TMEM150A: variants seen among roughly 807,000 people sequenced by gnomAD.
TMEM150A encodes the protein fasting-inducible integral membrane protein TM6P1.
A neutral mutation model predicts 29.8 loss-of-function variants in TMEM150A; 18 were observed. The observed-to-expected ratio is 0.60, with a 90% CI of 0.42 to 0.90. The LOEUF is 0.90. Among genes scored for constraint, TMEM150A ranks in the 40% least tolerant of loss-of-function variants. The pLI is 0.00. For missense variants in TMEM150A, 251 were observed against 349.7 expected, an observed-to-expected ratio of 0.72 and a Z score of 2.25; for synonymous variants, 127 against 143.6, an observed-to-expected ratio of 0.88 and a Z score of 0.83.
At position 85,601,987 on chromosome 2, in the gene TMEM150A, G is replaced by C. The variant is rs527355690; in HGVS notation, c.-39C>G. ...CAGGGTGGTGGTGGTGTTGGGGGGA[G>C]GACAAGAGGTAGATGGGGAAGTGGG... is the stretch of plus-strand genomic sequence containing the variant. On this transcript the variant is annotated 5_prime_UTR_variant, in exon 2 of 8. Coordinates refer to ENST00000334462, the MANE Select transcript of TMEM150A (RefSeq NM_001031738.3). This position sits in a 1 kb window ranked among gnomAD's most constrained non-coding sequence, Gnocchi z 4.0. The C allele has an allele frequency of 7.5e-6, 12 of 1,605,844 alleles. No homozygotes were observed. Among genetic ancestry groups the C allele is most frequent in the Non-Finnish European group, 1.0e-5 (12 of 1,172,998 alleles).
chr2:85,601,806 C>A lies in TMEM150A; in HGVS notation c.65+78G>T. Reference sequence around the variant, plus strand: ...ACACCCAGAGTGACCCTGGGTACCACCGTGGCTATGACAGGACAAGAGACT... The same window carrying A: ...ACACCCAGAGTGACCCTGGGTACCAACGTGGCTATGACAGGACAAGAGACT... On this transcript the variant is annotated intron_variant, in intron 2 of 7. Coordinates refer to ENST00000334462, the MANE Select transcript of TMEM150A (RefSeq NM_001031738.3). The surrounding 1 kb of genome is among the most constrained non-coding windows in gnomAD (Gnocchi z 4.0). 6.5e-7 allele frequency: 1 copy of A among 1,531,796 alleles called. No homozygotes were observed. Among genetic ancestry groups the A allele is most frequent in the South Asian group, 1.2e-5 (1 of 86,738 alleles). 94.9% of individuals were successfully genotyped at this position (1,531,796 alleles called of 1,614,324 possible). A position where few individuals can be genotyped will look rare whatever the true frequency, so the allele number is the denominator to read the frequency against.
intron 5 of TMEM150A, 120 bp downstream of exon 5, chr2:85,600,225 A>T: frequency 7.5e-7 from 1 of 1,341,182 alleles, no homozygotes. Flanking sequence ...GGAAGGGGAG[A>T]AGCTGCCTCT....
At position 85,601,316 on chromosome 2, in the gene TMEM150A, A is replaced by G; in HGVS notation, c.113+119T>C. Reference sequence around the variant, plus strand: ...GGCAAGAAGCCATGCCTGGGGACCAATTTCAGAGAAGAGCAGTGAGGCTCA... The same window carrying G: ...GGCAAGAAGCCATGCCTGGGGACCAGTTTCAGAGAAGAGCAGTGAGGCTCA... On this transcript the variant is annotated intron_variant, in intron 3 of 7. Transcript: ENST00000334462. The surrounding 1 kb of genome is among the most constrained non-coding windows in gnomAD (Gnocchi z 4.0). 1.4e-6 allele frequency: 2 copies of G among 1,385,188 alleles called. No individual in the cohort carries two copies. The highest frequency in any genetic ancestry group is 2.1e-6 in the Non-Finnish European group (2 of 972,344). 85.8% of individuals were successfully genotyped at this position (1,385,188 alleles called of 1,614,324 possible).
At position 85,602,214 on chromosome 2, in the gene TMEM150A, A is replaced by C; in HGVS notation, c.-116-150T>G. On this transcript the variant is annotated intron_variant, in intron 1 of 7. Coordinates refer to ENST00000334462, the MANE Select transcript of TMEM150A (RefSeq NM_001031738.3). This position sits in a 1 kb window ranked among gnomAD's most constrained non-coding sequence, Gnocchi z 5.6. ...CGGCAGAACGTGAACACCCTCTGGCACTGGGGGCCTCCGCGGTCAACCCAA... is the reference window on the plus strand; with the variant it reads ...CGGCAGAACGTGAACACCCTCTGGCCCTGGGGGCCTCCGCGGTCAACCCAA... 2.4e-6 allele frequency: 1 copy of C among 408,954 alleles called. No individual in the cohort carries two copies. Among genetic ancestry groups the C allele is most frequent in the Non-Finnish European group, 4.6e-6 (1 of 219,316 alleles). The allele number at this position is 408,954 out of a possible 1,614,324, so 25.3% of individuals were successfully genotyped here.
At position 85,599,625 on chromosome 2, in the gene TMEM150A, G is replaced by A; in HGVS notation, c.474C>T (p.His158=). 4.3e-6 allele frequency: 7 copies of A among 1,613,816 alleles called. No homozygotes were observed. The highest frequency in any genetic ancestry group is 5.9e-6 in the Non-Finnish European group (7 of 1,179,890). The change falls in exon 7 of 8, where the codon CAC becomes CAT. Residue 158 remains histidine, a synonymous_variant. Coordinates refer to ENST00000334462, the MANE Select transcript of TMEM150A (RefSeq NM_001031738.3). This position sits in a 1 kb window ranked among gnomAD's most constrained non-coding sequence, Gnocchi z 6.0. Reference sequence around the variant, plus strand: ...TGGCCCCTTGGTAGGAGAGAGCACAGTGCAGGCAAACAAAGAGCAGCCCCG... The same window carrying A: ...TGGCCCCTTGGTAGGAGAGAGCACAATGCAGGCAAACAAAGAGCAGCCCCG... The part of the protein sequence containing the change: ...FPAGLLFVCL[H]CALSYQGATA...
rs1380121914 is a variant in TMEM150A at position 85,599,409 on chromosome 2, A to G, written c.575-92T>C. ...TCAGGCCTCACCTCTCCAAAGGGAG[A>G]GGTGTTAGTCCTCTCCCCCACATGG... On this transcript the variant is annotated intron_variant, in intron 7 of 7. Transcript: ENST00000334462. The surrounding 1 kb of genome is among the most constrained non-coding windows in gnomAD (Gnocchi z 6.0). 9 of 1,580,142 alleles carry G rather than the reference A, an allele frequency of 5.7e-6. No homozygotes were observed. In the East Asian group the frequency reaches 1.8e-4, roughly 32 times the overall value.
In TMEM150A at chr2:85,599,203, C is replaced by T. The variant is rs941612293; in HGVS notation, c.689G>A (p.Gly230Glu). The T allele has an allele frequency of 1.9e-6, 3 of 1,613,694 alleles. No homozygotes were observed. The highest frequency in any genetic ancestry group is 1.7e-6 in the Non-Finnish European group (2 of 1,179,964). The change falls in exon 8 of 8, where the codon GGG (glycine) becomes GAG (glutamate). Residue 230 changes from glycine (G) to glutamate (E), a missense_variant. Physicochemically the swap from Gly to Glu is moderately conservative, Grantham distance 98. Transcript: ENST00000334462. The surrounding 1 kb of genome is among the most constrained non-coding windows in gnomAD (Gnocchi z 6.0). ...CACCAGTGTGTCTGAGGAGACTGCC[C>T]CAAACTCGTAGCTGAAGGTGCCATA... ...IFYGTFSYEFGAVSSDTLVAA... is the reference protein window; with the variant it reads ...IFYGTFSYEFEAVSSDTLVAA...
intron 4 of TMEM150A, 40 bp downstream of exon 4, chr2:85,600,981 C>G: frequency 6.3e-7 from 1 of 1,584,648 alleles, no homozygotes; most frequent in Non-Finnish European, 8.6e-7. Flanking sequence ...GTCTGGGAGG[C>G]CCTTAGATCT....
Position 85,601,143 on chromosome 2 carries a change from G to C in TMEM150A, c.114-36C>G, listed in dbSNP as rs1672923452. On this transcript the variant is annotated intron_variant, in intron 3 of 7. Transcript: ENST00000334462. The surrounding 1 kb of genome is among the most constrained non-coding windows in gnomAD (Gnocchi z 4.0). ...GGACAGGGAGTAGACTGGGGGAAGGGACTGCCCCCAGGCCCTTGGCCTATA... is the reference window on the plus strand; with the variant it reads ...GGACAGGGAGTAGACTGGGGGAAGGCACTGCCCCCAGGCCCTTGGCCTATA... 2 of 1,591,504 alleles carry C rather than the reference G, an allele frequency of 1.3e-6. No individual in the cohort carries two copies. Among genetic ancestry groups the C allele is most frequent in the Middle Eastern group, 1.9e-4 (1 of 5,314 alleles).
At chr2:85,600,463 G>T (rs767766995) in intron 4 of TMEM150A, 51 bp from the exon 5 acceptor site, 3 of 1,498,990 alleles carry the variant, frequency 2.0e-6, no homozygotes, top group Non-Finnish European at 1.9e-6. Flanking sequence ...GGCCCGGGGG[G>T]CCCCCATTTT....
Position 85,598,806 on chromosome 2 carries a change from A to G in TMEM150A, c.*270T>C. The G allele has an allele frequency of 2.3e-6, 1 of 440,126 alleles. No homozygotes were observed. The highest frequency in any genetic ancestry group is 4.2e-6 in the Non-Finnish European group (1 of 237,650). 27.3% of individuals were successfully genotyped at this position (440,126 alleles called of 1,614,324 possible). On this transcript the variant is annotated 3_prime_UTR_variant, in exon 8 of 8. Coordinates refer to ENST00000334462, the MANE Select transcript of TMEM150A (RefSeq NM_001031738.3). ...GGCTTTGGCACTGGGAGTAGAAGGCACCTGAAGGGCTGGCTGGGTGAGTGA... is the reference window on the plus strand; with the variant it reads ...GGCTTTGGCACTGGGAGTAGAAGGCGCCTGAAGGGCTGGCTGGGTGAGTGA...
At position 85,601,220 on chromosome 2, in the gene TMEM150A, A is replaced by G; in HGVS notation, c.114-113T>C. The stretch of plus-strand genomic sequence containing the variant: ...CCCAGACCTCCCCTACAGGGACAGA[A>G]GATCCCACTCCCCAGTGCCCGCCTG... On this transcript the variant is annotated intron_variant, in intron 3 of 7. Transcript: ENST00000334462. The surrounding 1 kb of genome is among the most constrained non-coding windows in gnomAD (Gnocchi z 4.0). 2 of 1,249,984 alleles carry G rather than the reference A, an allele frequency of 1.6e-6. No individual in the cohort carries two copies. The highest frequency in any genetic ancestry group is 2.3e-6 in the Non-Finnish European group (2 of 866,030). The allele number at this position is 1,249,984 out of a possible 1,614,324, so 77.4% of individuals were successfully genotyped here.
At position 85,599,350 on chromosome 2, in the gene TMEM150A, C is replaced by T; in HGVS notation, c.575-33G>A. 6.2e-7 allele frequency: 1 copy of T among 1,610,140 alleles called. No individual in the cohort carries two copies. The highest frequency in any genetic ancestry group is 8.5e-7 in the Non-Finnish European group (1 of 1,177,068). ...GAGGCTAAGGAAATGTTCAGTAGGA[C>T]ATACGGAAACCTGGCAACACCCCTT... On this transcript the variant is annotated intron_variant, in intron 7 of 7. Coordinates refer to ENST00000334462, the MANE Select transcript of TMEM150A (RefSeq NM_001031738.3). This position sits in a 1 kb window ranked among gnomAD's most constrained non-coding sequence, Gnocchi z 6.0.
intron 4 of TMEM150A, 54 bp downstream of exon 4, chr2:85,600,967 G>A (rs1672904842): frequency 1.3e-6 from 2 of 1,534,006 alleles, no homozygotes; most frequent in Admixed American, 3.8e-5. Flanking sequence ...TTGCTTGAGG[G>A]GCTGTCTGGG....
At chr2:85,600,891 TC>T in intron 4 of TMEM150A, 129 bp downstream of exon 4, 1 of 764,718 alleles carries the variant, frequency 1.3e-6, no homozygotes, top group Non-Finnish European at 2.1e-6. Context: ...ACAGTAACTG[TC>T]AAGTAGTGTT....
Position 85,599,702 on chromosome 2 carries a change from C to T in TMEM150A, c.397G>A (p.Val133Met). 1 of 1,611,650 alleles carries T rather than the reference C, an allele frequency of 6.2e-7. No homozygotes were observed. The highest frequency in any genetic ancestry group is 1.1e-5 in the South Asian group (1 of 90,946). The change falls in exon 7 of 8, where the codon GTG (valine) becomes ATG (methionine). Residue 133 changes from valine to methionine, a missense_variant and splice_region_variant. Coordinates refer to ENST00000334462, the MANE Select transcript of TMEM150A (RefSeq NM_001031738.3). The surrounding 1 kb of genome is among the most constrained non-coding windows in gnomAD (Gnocchi z 6.0). ...AGLLVVGNFQ[V>M]DHARSLHYVG... ...TAGTGCAGAGACCTGGCATGATCCA[C>T]CTGGGCCCAGAGAAGGGCCAGTTGG...
Position 85,602,125 on chromosome 2 carries a change from G to C in TMEM150A, c.-116-61C>G. 1.7e-6 allele frequency: 1 copy of C among 604,816 alleles called. No homozygotes were observed. Among genetic ancestry groups the C allele is most frequent in the South Asian group, 1.8e-5 (1 of 54,258 alleles). The allele number at this position is 604,816 out of a possible 1,614,324, so 37.5% of individuals were successfully genotyped here. On this transcript the variant is annotated intron_variant, in intron 1 of 7. Transcript: ENST00000334462. This position sits in a 1 kb window ranked among gnomAD's most constrained non-coding sequence, Gnocchi z 5.6. ...CTGGCCGGGAAGGGGGAGGGGAAGG[G>C]GGTCAACACCTTATCCAGCGCTCCC...
chr2:85,598,829 T>C lies in TMEM150A; in HGVS notation c.*247A>G. 1 of 504,044 alleles carries C rather than the reference T, an allele frequency of 2.0e-6. No individual in the cohort carries two copies. The highest frequency in any genetic ancestry group is 3.8e-5 in the East Asian group (1 of 26,652). 31.2% of individuals were successfully genotyped at this position (504,044 alleles called of 1,614,324 possible). On this transcript the variant is annotated 3_prime_UTR_variant, in exon 8 of 8. Transcript: ENST00000334462. ...GCACCTGAAGGGCTGGCTGGGTGAG[T>C]GAGGACAGGTGACCTTTAAAAACAA...
chr2:85,600,958 TGCTTGAGGG>T, intron 4 of TMEM150A, 54 bp downstream of exon 4: 1 of 1,500,412 alleles, frequency 6.7e-7, no homozygotes, highest in Non-Finnish European at 9.1e-7. Flanking sequence ...GACAGCTCTT[TGCTTGAGGG>T]GCTGTCTGGG....
Sources: gnomAD v4.1 joint callset for allele counts on GRCh38, gnomAD v4.1.1 for gene constraint, Gnocchi (gnomAD v3.1) non-coding constraint, MANE v1.5 for transcripts, NCBI Gene and HGNC (gene_info 2026-07-23, HGNC 2026-07-21) for gene names.